The following PREX2 variants were observed in gnomAD, a reference collection of about 807,000 sequenced individuals.
PREX2 encodes phosphatidylinositol 3,4,5-trisphosphate-dependent Rac exchanger 2 protein.
In PREX2, 107 loss-of-function variants were observed where a neutral mutation model predicts 203.2. The ratio of observed to expected loss-of-function variants is 0.53; its 90% CI spans 0.45 to 0.62. The LOEUF is 0.62. Ranked by LOEUF, PREX2 falls within the 20% of genes least tolerant of loss-of-function variation. The pLI is 0.00. For synonymous variants in PREX2, 672 were observed against 663.6 expected, an observed-to-expected ratio of 1.01 and a Z score of -0.19; for missense variants, 1,777 against 1,955.9, an observed-to-expected ratio of 0.91 and a Z score of 1.72.
At chr8:68,047,453 A>G (rs1257945503) in intron 8 of PREX2, among the ~76,000 whole-genome samples, 1 of 143,788 alleles carries the variant, frequency 7.0e-6, no homozygotes, top group Non-Finnish European at 1.5e-5. Flanking sequence ...AGTTATAAAT[A>G]ATAAAATGGA....
intron 35 of PREX2, among the ~76,000 whole-genome samples, chr8:68,158,113 G>GTATA (rs5892141): frequency 6.8e-6 from 1 of 146,852 alleles, no homozygotes; most frequent in East Asian, 2.0e-4. Flanking sequence ...ATATATGTGT[G>GTATA]TATATATATG....
intron 35 of PREX2, among the ~76,000 whole-genome samples, chr8:68,182,496 G>A (rs1288674717): frequency 1.3e-5 from 2 of 151,986 alleles, no homozygotes; most frequent in South Asian, 2.1e-4. Flanking sequence ...ATATTTATAA[G>A]CTTAAGAGTA....
chr8:68,068,362 A>T (rs2129611540), intron 11 of PREX2, among the ~76,000 whole-genome samples: 2 of 152,156 alleles, frequency 1.3e-5, no homozygotes, highest in African/African-American at 4.8e-5. Flanking sequence ...TATCTTGAGG[A>T]TGGTAATAAA....
At chr8:68,155,131 TAG>T (rs1156322847) in intron 34 of PREX2, among the ~76,000 whole-genome samples, 2 of 152,036 alleles carry the variant, frequency 1.3e-5, no homozygotes, top group East Asian at 3.9e-4. Context: ...AGTCTTAAGG[TAG>T]ATAGGGCATA....
At chr8:68,216,901 G>A (rs976880861) in intron 37 of PREX2, among the ~76,000 whole-genome samples, 2 of 150,786 alleles carry the variant, frequency 1.3e-5, no homozygotes, top group African/African-American at 4.9e-5. Context: ...GGCAGAGGTT[G>A]CAGTGAGCTG....
At chr8:68,221,874 A>G (rs1410418272) in intron 38 of PREX2, among the ~76,000 whole-genome samples, 3 of 152,188 alleles carry the variant, frequency 2.0e-5, no homozygotes, top group African/African-American at 2.4e-5. Context: ...TAGTAAATCT[A>G]TTTTTCATAG....
chr8:68,072,748 A>G (rs34698433), intron 14 of PREX2, among the ~76,000 whole-genome samples, 178 bp downstream of exon 14: 15,482 of 152,252 alleles, frequency 0.1, 974 homozygotes, highest in East Asian at 0.28. Context: ...AGAGTCCTCA[A>G]ACTTCACTTT....
intron 1 of PREX2, among the ~76,000 whole-genome samples, chr8:67,993,849 A>C (rs77139955): frequency 0.015 from 2,269 of 152,304 alleles, 32 homozygotes; most frequent in Non-Finnish European, 0.024. Flanking sequence ...TTAGGAAAAA[A>C]ATATATGAGC....
Position 67,983,259 on chromosome 8 carries a change from A to C in PREX2, c.141+30724A>C, listed in dbSNP as rs143974741. ...TGATGGATCAATGGTGAAAGAAACA[A>C]ACTATGTTTTACCTTGGCCCTGCCC... is the stretch of plus-strand genomic sequence containing the variant. On this transcript the variant is annotated intron_variant, in intron 1 of 39. Transcript: ENST00000288368. 4.1e-4 allele frequency among the ~76,000 whole-genome samples: 37 copies of C among 89,614 alleles called. 1 individual carries two copies. In the East Asian group the frequency reaches 0.018, roughly 44 times the overall value. 58.8% of individuals were successfully genotyped at this position (89,614 alleles called of 152,430 possible). A position where few individuals can be genotyped will look rare whatever the true frequency, so the allele number is the denominator to read the frequency against.
intron 10 of PREX2, among the ~76,000 whole-genome samples, chr8:68,059,774 G>C (rs1350645902): frequency 6.6e-6 from 1 of 152,100 alleles, no homozygotes. Flanking sequence ...TGGTTGTCAG[G>C]AATCAGCTCC....
At chr8:68,039,987 C>A (rs559837488) in intron 7 of PREX2, among the ~76,000 whole-genome samples, 68 of 152,204 alleles carry the variant, frequency 4.5e-4, no homozygotes, top group African/African-American at 1.5e-3. Context: ...TCACCTTGCT[C>A]AAAGCCCTCA....
intron 39 of PREX2, among the ~76,000 whole-genome samples, chr8:68,229,409 T>C (rs1813122601): frequency 6.6e-6 from 1 of 152,084 alleles, no homozygotes; most frequent in South Asian, 2.1e-4. Flanking sequence ...AGGATGAGAG[T>C]CCAACTCTTA....
At chr8:68,008,688 G>A (rs1220195483) in intron 1 of PREX2, among the ~76,000 whole-genome samples, 1 of 152,162 alleles carries the variant, frequency 6.6e-6, no homozygotes, top group Admixed American at 6.5e-5. Context: ...GACCTGGTGA[G>A]AGGTGATAGA....
intron 21 of PREX2, 52 bp downstream of exon 21, chr8:68,093,774 G>C (rs1304832020): frequency 2.1e-6 from 2 of 946,572 alleles, no homozygotes; most frequent in South Asian, 3.1e-5. Flanking sequence ...TTTCCACTGT[G>C]CATGTGCCTA....
intron 1 of PREX2, among the ~76,000 whole-genome samples, chr8:67,974,740 A>T (rs75587100): frequency 6.6e-6 from 1 of 152,204 alleles, no homozygotes; most frequent in Admixed American, 6.5e-5. Flanking sequence ...ATGAATAGTT[A>T]TGATGATCCT....
At position 67,993,400 on chromosome 8, in the gene PREX2, C is replaced by CTT. The variant is rs5892121; in HGVS notation, c.142-24436_142-24435dup. On this transcript the variant is annotated intron_variant, in intron 1 of 39. Coordinates refer to ENST00000288368, the MANE Select transcript of PREX2 (RefSeq NM_024870.4). ...AAAAATTTTACAGTATTACTTCAGT[C>CTT]TTTTTTTTTTTCTTTTTTTTTTTTG... Among the ~76,000 whole-genome samples the CTT allele has an allele frequency of 1.7e-3, 183 of 108,170 alleles. 1 individual carries two copies. Among genetic ancestry groups the CTT allele is most frequent in the Admixed American group, 0.011 (108 of 10,248 alleles). 71.0% of individuals were successfully genotyped at this position (108,170 alleles called of 152,430 possible).
At chr8:67,983,297 A>C (rs992404233) in intron 1 of PREX2, among the ~76,000 whole-genome samples, 1 of 152,090 alleles carries the variant, frequency 6.6e-6, no homozygotes, top group African/African-American at 2.4e-5. Flanking sequence ...CAAGGCATTC[A>C]TGAAAAGAGA....
chr8:68,141,930 T>G (rs931895973), intron 33 of PREX2, among the ~76,000 whole-genome samples: 6 of 152,166 alleles, frequency 3.9e-5, no homozygotes, highest in Non-Finnish European at 7.4e-5. Flanking sequence ...AGGCAACAAT[T>G]TTCAACTCCA....
chr8:68,153,823 A>G (rs182562315), intron 34 of PREX2, among the ~76,000 whole-genome samples: 92 of 152,352 alleles, frequency 6.0e-4, no homozygotes, highest in South Asian at 8.3e-4. Context: ...CAAAATTGTT[A>G]GGCACTTTTC....
Sources: gnomAD v4.1 joint callset for allele counts (sites outside exome capture counted in the v4.1 genomes callset) on GRCh38, gnomAD v4.1.1 for gene constraint, MANE v1.5 for transcripts, NCBI Gene and HGNC (gene_info 2026-07-23, HGNC 2026-07-21) for gene names.